STARD13: variants seen among roughly 807,000 people sequenced by gnomAD.
The protein encoded by STARD13 is stAR-related lipid transfer protein 13.
A neutral mutation model predicts 106.4 loss-of-function variants in STARD13; 62 were observed. The observed-to-expected ratio is 0.58, with a 90% CI of 0.48 to 0.72. The LOEUF is 0.72. STARD13 is among the 30% of genes least tolerant of loss of function. The pLI is 0.00. For missense variants in STARD13, 1,387 were observed against 1,424.0 expected, an observed-to-expected ratio of 0.97 and a Z score of 0.42; for synonymous variants, 565 against 553.0, an observed-to-expected ratio of 1.02 and a Z score of -0.31.
chr13:33,163,718 T>TATATATAACATATATATAAAACATATAC (rs1883000055), intron 3 of STARD13, among the ~76,000 whole-genome samples: 1 of 102,914 alleles, frequency 9.7e-6, no homozygotes. Flanking sequence ...AAAACATATA[T>TATATATAACATATATATAAAACATATAC]ATAACATATA....
At chr13:33,602,690 G>A in the STARD13 span, among the ~76,000 whole-genome samples, 2 of 152,206 alleles carry the variant, frequency 1.3e-5, no homozygotes, top group South Asian at 4.1e-4. Context: ...ACAGCAGGAG[G>A]TGAGCAACAG....
chr13:33,602,359 G>A, the STARD13 span, among the ~76,000 whole-genome samples: 225 of 152,292 alleles, frequency 1.5e-3, 2 homozygotes, highest in African/African-American at 5.1e-3. Context: ...CCAAAGTGCT[G>A]GGATTGCAGG....
intron 1 of STARD13, among the ~76,000 whole-genome samples, chr13:33,252,029 AT>A (rs1291018486): frequency 2.6e-5 from 4 of 152,242 alleles, no homozygotes; most frequent in Admixed American, 6.5e-5. Flanking sequence ...AGATATAAAA[AT>A]AATCACACGT....
At chr13:33,190,079 A>C (rs1157871400) in intron 1 of STARD13, among the ~76,000 whole-genome samples, 1 of 152,072 alleles carries the variant, frequency 6.6e-6, no homozygotes, top group Non-Finnish European at 1.5e-5. Flanking sequence ...ATATTTGGCT[A>C]AAGGTCTATC....
chr13:33,345,622 T>G (rs1317629751), downstream of STARD13, among the ~76,000 whole-genome samples: 1 of 152,178 alleles, frequency 6.6e-6, no homozygotes, highest in Non-Finnish European at 1.5e-5. Flanking sequence ...GAAGTATGCA[T>G]GGACAACAAT....
chr13:33,650,280 TC>T, the STARD13 span, among the ~76,000 whole-genome samples: 1 of 134,730 alleles, frequency 7.4e-6, no homozygotes, highest in Middle Eastern at 3.8e-3. Flanking sequence ...AAGCTCCGCC[TC>T]CCGGGTTCAC....
the STARD13 span, among the ~76,000 whole-genome samples, chr13:33,408,344 T>G: frequency 1.3e-5 from 2 of 152,066 alleles, no homozygotes; most frequent in Non-Finnish European, 2.9e-5. Context: ...GCAACCTCCA[T>G]TCTACTTTCT....
chr13:33,173,101 ACT>A (rs1309717637), intron 1 of STARD13, among the ~76,000 whole-genome samples: 1 of 152,182 alleles, frequency 6.6e-6, no homozygotes, highest in Admixed American at 6.5e-5. Context: ...TAGCAGGATG[ACT>A]CAGCCACCAC....
the STARD13 span, among the ~76,000 whole-genome samples, chr13:33,455,105 G>T: frequency 6.6e-6 from 1 of 152,276 alleles, no homozygotes; most frequent in Admixed American, 6.5e-5. Context: ...GAGGGAAAAA[G>T]TCTCCAACAA....
intron 1 of STARD13, among the ~76,000 whole-genome samples, chr13:33,177,772 G>GAAGGAAGGAAGGAAGGAAGGAAGGA (rs1884693604): frequency 8.3e-5 from 1 of 12,004 alleles, no homozygotes; most frequent in Non-Finnish European, 2.0e-4. Flanking sequence ...GGAAGGAAAG[G>GAAGGAAGGAAGGAAGGAAGGAAGGA]AAGGAAGGAA....
chr13:33,113,475 T>G, intron 8 of STARD13: 1 of 489,660 alleles, frequency 2.0e-6, no homozygotes, highest in Non-Finnish European at 4.1e-6. Flanking sequence ...GGGAGTGGTG[T>G]TGAGCTGGTG....
the STARD13 span, among the ~76,000 whole-genome samples, chr13:33,434,433 G>C: frequency 6.7e-6 from 1 of 150,308 alleles, no homozygotes; most frequent in Non-Finnish European, 1.5e-5. Flanking sequence ...TACACTTATT[G>C]AGCAAATTAA....
chr13:33,289,039 T>C (rs1892186500), upstream of STARD13, among the ~76,000 whole-genome samples: 1 of 152,190 alleles, frequency 6.6e-6, no homozygotes, highest in South Asian at 2.1e-4. Flanking sequence ...TCTCTCTGGC[T>C]TTTCCTTTAC....
the STARD13 span, among the ~76,000 whole-genome samples, chr13:33,487,710 A>AT: frequency 6.6e-6 from 1 of 152,034 alleles, no homozygotes. Flanking sequence ...AATACACGAG[A>AT]TTTTTCTCAA....
At chr13:33,528,226 G>GTGTATATATATATACATA in the STARD13 span, among the ~76,000 whole-genome samples, 1 of 101,024 alleles carries the variant, frequency 9.9e-6, no homozygotes, top group African/African-American at 6.0e-5. Flanking sequence ...GTGTGTGTGT[G>GTGTATATATATATACATA]TATATATATA....
At chr13:33,227,434 A>G (rs1888684541) in intron 1 of STARD13, among the ~76,000 whole-genome samples, 1 of 152,192 alleles carries the variant, frequency 6.6e-6, no homozygotes, top group Admixed American at 6.5e-5. Context: ...GAGGCATGGA[A>G]ACTTCCTCTA....
chr13:33,531,238 C>G, the STARD13 span, among the ~76,000 whole-genome samples: 1 of 152,178 alleles, frequency 6.6e-6, no homozygotes, highest in Admixed American at 6.5e-5. Flanking sequence ...CCCATTAAAC[C>G]TCTTTCTTTT....
chr13:33,525,922 T>C, the STARD13 span, among the ~76,000 whole-genome samples: 1 of 152,160 alleles, frequency 6.6e-6, no homozygotes, highest in African/African-American at 2.4e-5. Context: ...AACAATACTT[T>C]TTGACATTTA....
rs1046072937 is a variant in STARD13, at chr13:33,112,785, G to A, written c.2428C>T (p.Leu810=). ...VEENQMTPMN[L]AVCLAPSLFH... is the part of the protein sequence containing the mutation. ...AGGGAGGGGGCCAGACACACTGCCAGGTTCATGGGCGTCATCTGATTCTCT... is the reference window on the plus strand; with the variant it reads ...AGGGAGGGGGCCAGACACACTGCCAAGTTCATGGGCGTCATCTGATTCTCT... Residue 810 remains leucine (L), a synonymous_variant, in exon 9 of 14, where the codon CTG becomes TTG. Transcript: ENST00000336934. The A allele has an allele frequency of 1.9e-6, 3 of 1,613,766 alleles. No individual in the cohort carries two copies. Among genetic ancestry groups the A allele is most frequent in the Admixed American group, 3.3e-5 (2 of 59,970 alleles).
Sources: allele counts gnomAD v4.1 joint callset (sites outside exome capture counted in the v4.1 genomes callset), GRCh38; gene constraint gnomAD v4.1.1; transcripts MANE v1.5; gene names NCBI Gene and HGNC (gene_info 2026-07-23, HGNC 2026-07-21).